The following VEZT variants were observed in gnomAD, a reference collection of about 807,000 sequenced individuals.
VEZT encodes the protein vezatin.
Under a neutral mutation model 79.9 loss-of-function variants are expected in VEZT, and 39 were observed. That is an observed-to-expected ratio of 0.49 (90% confidence interval 0.38 to 0.64). VEZT has a LOEUF of 0.64. VEZT is among the 30% of genes least tolerant of loss of function. VEZT has a pLI of 0.00. For missense variants in VEZT, 837 were observed against 893.1 expected (o/e 0.94, Z 0.80); for synonymous variants, 325 against 327.6 (o/e 0.99, Z 0.09).
chr12:95,224,353 G>C (rs2058100824), intron 1 of VEZT: 1 of 426,358 alleles, frequency 2.3e-6, no homozygotes, highest in Non-Finnish European at 4.7e-6. Context: ...TTGCACTGTT[G>C]CCTAGGCTGG....
chr12:95,252,949 G>C (rs1433035881), intron 2 of VEZT, among the ~76,000 whole-genome samples: 1 of 151,880 alleles, frequency 6.6e-6, no homozygotes, highest in Non-Finnish European at 1.5e-5. Context: ...TGGGCAACAA[G>C]AGCAAAACTG....
At chr12:95,295,450 G>A (rs148408161) in intron 10 of VEZT, among the ~76,000 whole-genome samples, 12,870 of 152,202 alleles carry the variant, frequency 0.085, 585 homozygotes, top group Middle Eastern at 0.12. Flanking sequence ...ATGAGCCACC[G>A]CGCCCGGCTG....
At chr12:95,222,781 T>C (rs979564224) in intron 1 of VEZT, among the ~76,000 whole-genome samples, 10 of 152,212 alleles carry the variant, frequency 6.6e-5, no homozygotes, top group African/African-American at 2.2e-4. Flanking sequence ...TTACAATCAA[T>C]ATTGAATCTT....
At chr12:95,218,872 A>G (rs2057129510) in intron 1 of VEZT, among the ~76,000 whole-genome samples, 1 of 152,204 alleles carries the variant, frequency 6.6e-6, no homozygotes, top group Admixed American at 6.5e-5. Context: ...CCGGCAGGAG[A>G]AAATGTATTA....
At chr12:95,257,085 T>G in intron 2 of VEZT, 65 bp from the exon 3 acceptor site, 1 of 1,326,038 alleles carries the variant, frequency 7.5e-7, no homozygotes, top group Non-Finnish European at 1.0e-6. Context: ...GTAAGTACTT[T>G]GAAGTTTTTC....
chr12:95,235,769 A>G (rs930843597), intron 1 of VEZT, among the ~76,000 whole-genome samples: 6 of 147,058 alleles, frequency 4.1e-5, no homozygotes, highest in Non-Finnish European at 7.5e-5. Flanking sequence ...GACGCTCCTC[A>G]CTTCCCAGAC....
intron 2 of VEZT, 101 bp from the exon 3 acceptor site, chr12:95,257,049 C>T: frequency 1.1e-6 from 1 of 940,090 alleles, no homozygotes; most frequent in Non-Finnish European, 1.6e-6. Flanking sequence ...TCTTCCTTTT[C>T]TGATATAAAT....
chr12:95,273,626 TA>T (rs1177480519), intron 6 of VEZT, among the ~76,000 whole-genome samples: 1 of 152,070 alleles, frequency 6.6e-6, no homozygotes, highest in African/African-American at 2.4e-5. Context: ...GTTTTATAGT[TA>T]AAAAAAATTT....
At chr12:95,263,774 C>T (rs1473117450) in intron 4 of VEZT, 1 of 152,016 alleles carries the variant, frequency 6.6e-6, no homozygotes, top group African/African-American at 2.4e-5. Flanking sequence ...TGTAGAGACA[C>T]CAAGAATAGG....
chr12:95,283,630 T>G (rs1483910359), intron 8 of VEZT, among the ~76,000 whole-genome samples: 2 of 152,204 alleles, frequency 1.3e-5, no homozygotes, highest in Non-Finnish European at 2.9e-5. Context: ...GGATAAGAGA[T>G]ACAAGGATAG....
intron 3 of VEZT, chr12:95,258,197 G>A (rs1429310161): frequency 2.2e-6 from 1 of 454,946 alleles, no homozygotes. Flanking sequence ...GTATTGAGAA[G>A]GTCAATGAAG....
At position 95,251,932 on chromosome 12, in the gene VEZT, T is replaced by C; in HGVS notation, c.37-8T>C. 1 of 1,596,970 alleles carries C rather than the reference T, an allele frequency of 6.3e-7. No individual in the cohort carries two copies. Among genetic ancestry groups the C allele is most frequent in the Non-Finnish European group, 8.5e-7 (1 of 1,174,914 alleles). ...CTTGAAATTTGCTTTATTTTGTGTC[T>C]TTTTCAGAATTCTCCACTTTACCAA... On this transcript the variant is annotated splice_region_variant and splice_polypyrimidine_tract_variant and intron_variant, in intron 1 of 11. Coordinates refer to ENST00000436874, the MANE Select transcript of VEZT (RefSeq NM_017599.4).
intron 7 of VEZT, among the ~76,000 whole-genome samples, chr12:95,279,820 A>G (rs570298206): frequency 6.6e-6 from 1 of 152,322 alleles, no homozygotes; most frequent in African/African-American, 2.4e-5. Context: ...TGGTCTCCCA[A>G]CTACTGGCCT....
intron 11 of VEZT, among the ~76,000 whole-genome samples, chr12:95,298,362 A>G (rs532381435): frequency 9.9e-5 from 15 of 152,238 alleles, no homozygotes; most frequent in African/African-American, 3.4e-4. Context: ...AATGATTAAC[A>G]GATTGATTTC....
rs562338178 is a variant in VEZT at position 95,270,246 on chromosome 12, A to G, written c.848+58A>G. On this transcript the variant is annotated intron_variant, in intron 6 of 11. Transcript: ENST00000436874. ...AATGTTTCTGGAGTCCTGAATATAG[A>G]TATTATAGTTGTATCCTGTGAAAGT... The G allele has an allele frequency of 6.7e-6, 10 of 1,492,314 alleles. No homozygotes were observed. In the South Asian group the frequency reaches 1.2e-4, roughly 17 times the overall value. 92.4% of individuals were successfully genotyped at this position (1,492,314 alleles called of 1,614,324 possible).
chr12:95,247,395 A>G (rs2137617166), intron 1 of VEZT, among the ~76,000 whole-genome samples: 1 of 152,326 alleles, frequency 6.6e-6, no homozygotes, highest in Non-Finnish European at 1.5e-5. Flanking sequence ...AGATATAAGT[A>G]TCCGGCAATT....
At chr12:95,267,951 G>A (rs2065841525) in intron 5 of VEZT, among the ~76,000 whole-genome samples, 1 of 151,946 alleles carries the variant, frequency 6.6e-6, no homozygotes, top group African/African-American at 2.4e-5. Context: ...AACCCCAGGA[G>A]GTTGAGGCTG....
At chr12:95,237,856 C>A (rs796611968) in intron 1 of VEZT, among the ~76,000 whole-genome samples, 22 of 152,200 alleles carry the variant, frequency 1.4e-4, no homozygotes, top group African/African-American at 4.8e-4. Context: ...AGTCATGGAG[C>A]CTGTAGATCA....
At position 95,223,055 on chromosome 12, in the gene VEZT, A is replaced by G. The variant is rs1376751300; in HGVS notation, c.36+5169A>G. Among the ~76,000 whole-genome samples, 4 of 152,290 alleles carry G rather than the reference A, an allele frequency of 2.6e-5. No individual in the cohort carries two copies. In the East Asian group the frequency reaches 7.7e-4, roughly 29 times the overall value. On this transcript the variant is annotated intron_variant, in intron 1 of 11. Transcript: ENST00000436874. ...ATATAGTTAAAGATATGGGCTCTGGAGCTGGATAACCTAAGAAATCCTAGG... is the reference window on the plus strand; with the variant it reads ...ATATAGTTAAAGATATGGGCTCTGGGGCTGGATAACCTAAGAAATCCTAGG...
Sources: gnomAD v4.1 joint callset for allele counts (sites outside exome capture counted in the v4.1 genomes callset) on GRCh38, gnomAD v4.1.1 for gene constraint, MANE v1.5 for transcripts, NCBI Gene and HGNC (gene_info 2026-07-23, HGNC 2026-07-21) for gene names.